The following ALPK3 variants were observed in gnomAD, a reference collection of about 807,000 sequenced individuals.
ALPK3 encodes alpha-protein kinase 3.
ALPK3 carries 102 observed loss-of-function variants against 140.0 expected under a neutral mutation model. That is an observed-to-expected ratio of 0.73 (90% CI 0.62 to 0.86). The LOEUF (loss-of-function observed/expected upper bound fraction) is 0.86, where lower values mean the gene tolerates loss of function less well. Ranked by LOEUF, ALPK3 falls within the 40% of genes least tolerant of loss-of-function variation. The pLI, the probability that ALPK3 is intolerant of heterozygous loss-of-function variation, is 0.00. For synonymous variants in ALPK3, 938 were observed against 898.5 expected, an observed-to-expected ratio of 1.04 and a Z score of -0.79; for missense variants, 2,254 against 2,208.2, an observed-to-expected ratio of 1.02 and a Z score of -0.42.
chr15:84,843,921 C>T (rs1478545291), intron 5 of ALPK3, among the ~76,000 whole-genome samples: 3 of 152,022 alleles, frequency 2.0e-5, no homozygotes, highest in Non-Finnish European at 2.9e-5. Flanking sequence ...GTGGTGAAAC[C>T]CTGTCTCTAC....
chr15:84,841,395 G>A (rs1963665594), intron 5 of ALPK3, among the ~76,000 whole-genome samples: 3 of 152,192 alleles, frequency 2.0e-5, no homozygotes, highest in Admixed American at 2.0e-4. Flanking sequence ...TTAAATCTGG[G>A]TTTATCTAAG....
chr15:84,820,154 G>A (rs959761933), intron 1 of ALPK3, among the ~76,000 whole-genome samples: 5 of 152,086 alleles, frequency 3.3e-5, no homozygotes, highest in African/African-American at 1.2e-4. Context: ...TTTTGAAGCA[G>A]TTATGATTAA....
chr15:84,864,701 C>T (rs1963985200), intron 12 of ALPK3, 36 bp downstream of exon 12: 3 of 1,595,280 alleles, frequency 1.9e-6, no homozygotes, highest in Admixed American at 1.7e-5. Flanking sequence ...TACGCATGTG[C>T]ATGGATGTGA....
At position 84,869,800 on chromosome 15, in the gene ALPK3, C is replaced by T. The variant is rs925337463; in HGVS notation, c.*1344C>T. 1 of 152,706 alleles carries T rather than the reference C, an allele frequency of 6.5e-6. No individual in the cohort carries two copies. Among genetic ancestry groups the T allele is most frequent in the Non-Finnish European group, 1.5e-5 (1 of 68,112 alleles). The allele number at this position is 152,706 out of a possible 1,614,324, so 9.5% of individuals were successfully genotyped here. On this transcript the variant is annotated 3_prime_UTR_variant, in exon 14 of 14. Coordinates refer to ENST00000258888, the MANE Select transcript of ALPK3 (RefSeq NM_020778.5). Reference sequence around the variant, plus strand: ...GTCTGTGGAGTCAAGGTCCCCCTCTCCCAGGCAGGCTCTCTGAGGGCATTC... The same window carrying T: ...GTCTGTGGAGTCAAGGTCCCCCTCTTCCAGGCAGGCTCTCTGAGGGCATTC...
At position 84,839,989 on chromosome 15, in the gene ALPK3, T is replaced by C; in HGVS notation, c.710T>C (p.Val237Ala). 6.2e-7 allele frequency: 1 copy of C among 1,612,896 alleles called. No homozygotes were observed. The change falls in exon 5 of 14, where the codon GTC becomes GCC. Residue 237 changes from valine (V) to alanine (A), a missense_variant. Transcript: ENST00000258888. ...GGGGCTCAAGCGCCGGGCCCCTCGG[T>C]CCCTACCAGGGAGCCTGAGGGTGGG... is the stretch of plus-strand genomic sequence containing the variant. ...LSGAQAPGPS[V>A]PTREPEGGTL...
chr15:84,868,003 G>A, intron 13 of ALPK3, 108 bp from the exon 14 acceptor site: 6 of 1,130,914 alleles, frequency 5.3e-6, no homozygotes, highest in Non-Finnish European at 7.6e-6. Flanking sequence ...GATAAGGTAG[G>A]ATGTACCCTG....
In ALPK3 at chr15:84,862,420, C is replaced by T. The variant is rs189043439; in HGVS notation, c.4130-215C>T. On this transcript the variant is annotated intron_variant, in intron 9 of 13. Transcript: ENST00000258888. ...TATGTGATGGATACCACATGGGTAC[C>T]GCTAGATGGCAGGGGTTGAATCAAA... Among the ~76,000 whole-genome samples, 11 of 152,068 alleles carry T rather than the reference C, an allele frequency of 7.2e-5. No homozygotes were observed. The East Asian group carries it at 1.8e-3, about 24-fold the overall frequency.
In ALPK3 at chr15:84,857,942, C is replaced by G. The variant is rs549946766; in HGVS notation, c.3204C>G (p.Ser1068=). 4 of 1,609,232 alleles carry G rather than the reference C, an allele frequency of 2.5e-6. No individual in the cohort carries two copies. The Admixed American group carries it at 5.1e-5, about 20-fold the overall frequency. Reference sequence around the variant, plus strand: ...GCTCCTGGGGTCCTGGTCCCAGCTCCCTCACTGTCCCTGCCATTGTGGTAG... The same window carrying G: ...GCTCCTGGGGTCCTGGTCCCAGCTCGCTCACTGTCCCTGCCATTGTGGTAG... ...ARGSWGPGPS[S]LTVPAIVVDE... The change falls in exon 6 of 14, where the codon TCC becomes TCG. Residue 1068 remains serine, a synonymous_variant. Transcript: ENST00000258888.
intron 1 of ALPK3, among the ~76,000 whole-genome samples, chr15:84,820,363 G>A (rs546806885): frequency 6.6e-6 from 1 of 152,152 alleles, no homozygotes; most frequent in Non-Finnish European, 1.5e-5. Flanking sequence ...GGCCAGGACT[G>A]TCCAAAGGCC....
At chr15:84,852,053 G>C (rs1963810080) in intron 5 of ALPK3, among the ~76,000 whole-genome samples, 1 of 152,254 alleles carries the variant, frequency 6.6e-6, no homozygotes, top group Non-Finnish European at 1.5e-5. Flanking sequence ...ACTGCAGATA[G>C]TACCAAACCC....
chr15:84,857,776 G>A lies in ALPK3; in HGVS notation c.3038G>A (p.Arg1013His), dbSNP rs201993684. 175 of 1,612,326 alleles carry A rather than the reference G, an allele frequency of 1.1e-4. No individual in the cohort carries two copies. Among genetic ancestry groups the A allele is most frequent in the South Asian group, 2.0e-4 (18 of 91,014 alleles). ...GGGCTTAGTCCCCGGACATCGAGGC[G>A]CATCCTGGAGCGTGTGGAGAACAAC... ...VAGLSPRTSR[R>H]ILERVENNHL... Residue 1013 changes from arginine (R) to histidine (H), a missense_variant, in exon 6 of 14, where the codon CGC (arginine) becomes CAC (histidine). This residue lies in a region of ALPK3 where 2,088 missense variants were observed against 2,022.9 expected (regional missense o/e 1.03). Coordinates refer to ENST00000258888, the MANE Select transcript of ALPK3 (RefSeq NM_020778.5).
rs1964096995 is a variant in ALPK3, at chr15:84,873,250, C to G, written c.*4794C>G. ...AGTGAGGGGGTTGATGGGCTGGGTG[C>G]ATGCCAGGGACCCAATCAAGCATTT... On this transcript the variant is annotated 3_prime_UTR_variant, in exon 14 of 14. Coordinates refer to ENST00000258888, the MANE Select transcript of ALPK3 (RefSeq NM_020778.5). 1 of 152,172 alleles carries G rather than the reference C, an allele frequency of 6.6e-6. No individual in the cohort carries two copies. Among genetic ancestry groups the G allele is most frequent in the Non-Finnish European group, 1.5e-5 (1 of 68,034 alleles). 9.4% of individuals were successfully genotyped at this position (152,172 alleles called of 1,614,324 possible).
At chr15:84,833,957 T>TTGTGTGTG (rs71453270) in intron 3 of ALPK3, among the ~76,000 whole-genome samples, 16,820 of 147,216 alleles carry the variant, frequency 0.11, 921 homozygotes, top group Non-Finnish European at 0.12. Context: ...AGATTCTGTG[T>TTGTGTGTG]TGTGTGTGTG....
At chr15:84,853,225 C>G (rs1478635230) in intron 5 of ALPK3, among the ~76,000 whole-genome samples, 1 of 152,180 alleles carries the variant, frequency 6.6e-6, no homozygotes, top group Non-Finnish European at 1.5e-5. Context: ...AAAAGAGGCT[C>G]TAATATATTA....
chr15:84,839,644 T>C (rs546654344), intron 4 of ALPK3, 58 bp from the exon 5 acceptor site: 13 of 1,506,474 alleles, frequency 8.6e-6, no homozygotes, highest in Non-Finnish European at 9.7e-6. Flanking sequence ...GGCTGGGGGG[T>C]GTGGGGGCTC....
intron 3 of ALPK3, among the ~76,000 whole-genome samples, chr15:84,837,137 C>T (rs1349379929): frequency 6.6e-6 from 1 of 152,160 alleles, no homozygotes; most frequent in Non-Finnish European, 1.5e-5. Flanking sequence ...ATAGTGAGTA[C>T]AGGCAGCTCT....
At chr15:84,825,069 T>A (rs1275397680) in intron 2 of ALPK3, among the ~76,000 whole-genome samples, 1 of 152,256 alleles carries the variant, frequency 6.6e-6, no homozygotes, top group Non-Finnish European at 1.5e-5. Flanking sequence ...TATTTTCTAA[T>A]GTAAACATTT....
In ALPK3 at chr15:84,857,938, G is replaced by C; in HGVS notation, c.3200G>C (p.Ser1067Thr). Residue 1067 changes from serine to threonine, a missense_variant, in exon 6 of 14, where the codon AGC (serine) becomes ACC (threonine). Around this residue, in one of 3 missense-constraint regions of ALPK3, gnomAD observed 2,088 missense variants for 2,022.9 expected, o/e 1.03. Transcript: ENST00000258888. ...CGAGGCTCCTGGGGTCCTGGTCCCA[G>C]CTCCCTCACTGTCCCTGCCATTGTG... ...AARGSWGPGP[S>T]SLTVPAIVVD... is the part of the protein sequence containing the mutation. 1 of 1,609,534 alleles carries C rather than the reference G, an allele frequency of 6.2e-7. No individual in the cohort carries two copies. Among genetic ancestry groups the C allele is most frequent in the Non-Finnish European group, 8.5e-7 (1 of 1,178,514 alleles).
At position 84,864,038 on chromosome 15, in the gene ALPK3, C is replaced by T. The variant is rs563415307; in HGVS notation, c.4499+398C>T. Among the ~76,000 whole-genome samples the T allele has an allele frequency of 4.6e-5, 7 of 152,218 alleles. No homozygotes were observed. The South Asian group carries it at 1.5e-3, about 32-fold the overall frequency. On this transcript the variant is annotated intron_variant, in intron 11 of 13. Coordinates refer to ENST00000258888, the MANE Select transcript of ALPK3 (RefSeq NM_020778.5). ...TTTTGTAGGAGTCAGCTATAAATGG[C>T]AATTGTTTGCATTTTGAGACTTGAA...
Sources: allele counts gnomAD v4.1 joint callset (sites outside exome capture counted in the v4.1 genomes callset), GRCh38; gene constraint gnomAD v4.1.1; regional missense constraint gnomAD v4.1.1; transcripts MANE v1.5; gene names NCBI Gene and HGNC (gene_info 2026-07-23, HGNC 2026-07-21).